Variants in NLRC3 observed in about 807,000 individuals in gnomAD.
The protein encoded by NLRC3 is NLR family CARD domain containing 3, also known as NLR family CARD domain-containing protein 3.
A neutral mutation model predicts 91.6 loss-of-function variants in NLRC3; 87 were observed. That is an observed-to-expected ratio of 0.95 (90% CI 0.80 to 1.14). NLRC3 has a LOEUF of 1.14. NLRC3 is among the 50% of genes most tolerant of loss of function. The pLI is 0.00. For missense variants in NLRC3, 1,577 were observed against 1,418.6 expected, an observed-to-expected ratio of 1.11 and a Z score of -1.79; for synonymous variants, 694 against 625.3, an observed-to-expected ratio of 1.11 and a Z score of -1.64.
rs754604235 is a variant in NLRC3, at chr16:3,563,974, G to C, written c.963C>G (p.Ala321=). The C allele has an allele frequency of 1.2e-6, 2 of 1,604,392 alleles. No homozygotes were observed. The highest frequency in any genetic ancestry group is 1.7e-6 in the Non-Finnish European group (2 of 1,178,204). The part of the protein sequence containing the change: ...WMLSQVQADR[A]LYLMCTVPAF... ...CTGGGACGGTGCACATCAGGTACAG[G>C]GCCCTGTCAGCCTGCACTTGGCTCA... is the stretch of plus-strand genomic sequence containing the variant. Residue 321 remains alanine (A), a synonymous_variant, in exon 5 of 20, where the codon GCC becomes GCG. Transcript: ENST00000359128.
Position 3,577,399 on chromosome 16 carries a change from G to T in NLRC3, c.-419C>A. The T allele has an allele frequency of 3.5e-6, 2 of 567,924 alleles. No individual in the cohort carries two copies. Among genetic ancestry groups the T allele is most frequent in the Non-Finnish European group, 6.2e-6 (2 of 320,400 alleles). The allele number at this position is 567,924 out of a possible 1,614,324, so 35.2% of individuals were successfully genotyped here. A position where few individuals can be genotyped will look rare whatever the true frequency, so the allele number is the denominator to read the frequency against. The stretch of plus-strand genomic sequence containing the variant: ...ACCGAGCCCACCGGCTGTCCCTGTG[G>T]CTCCGGGTCCTCACCTCTTCCTGTG... On this transcript the variant is annotated 5_prime_UTR_variant, in exon 1 of 20. Coordinates refer to ENST00000359128, the MANE Select transcript of NLRC3 (RefSeq NM_178844.4).
rs1043824401 is a variant in NLRC3, at chr16:3,563,458, C to T, written c.1479G>A (p.Thr493=). 2.5e-6 allele frequency: 4 copies of T among 1,581,782 alleles called. No homozygotes were observed. The highest frequency in any genetic ancestry group is 1.7e-4 in the Middle Eastern group (1 of 6,016). ...CCCGCTGGGCTGCGCTCCTGAAATG[C>T]GTGAGGAAGCCCAGCCTGGGCCAGG... ...GVSWPRLGFL[T]HFRSAAQRAM... is the part of the protein sequence containing the mutation. Residue 493 remains threonine (T), a synonymous_variant, in exon 5 of 20, where the codon ACG becomes ACA. Transcript: ENST00000359128.
rs778330894 is a variant in NLRC3, at chr16:3,548,688, C to T, written c.2669G>A (p.Arg890His). 14 of 1,592,478 alleles carry T rather than the reference C, an allele frequency of 8.8e-6. No individual in the cohort carries two copies. In the Admixed American group the frequency reaches 1.2e-4, roughly 14 times the overall value. The change falls in exon 14 of 20, where the codon CGC becomes CAC. Residue 890 changes from arginine (R) to histidine (H), a missense_variant. By Grantham distance (29) the Arg-to-His change is conservative. Transcript: ENST00000359128. Reference protein sequence around the residue: ...RAIAVAVRENRTLTSLHLQWN... With the variant: ...RAIAVAVRENHTLTSLHLQWN... ...GACTCACTGAAGGGAGGTGAGGGTGCGGTTTTCTCTCACTGCCACTGCGAT... is the reference window on the plus strand; with the variant it reads ...GACTCACTGAAGGGAGGTGAGGGTGTGGTTTTCTCTCACTGCCACTGCGAT...
In NLRC3 at chr16:3,564,523, G is replaced by C. The variant is rs2151101041; in HGVS notation, c.414C>G (p.Pro138=). ...CCACCCCGATAGTGATGGAGACCCG[G>C]GGTGGGACAGACACCCGGGAGAGAG... ...FLPLSRVSVP[P]RVSITIGVAG... is the part of the protein sequence containing the mutation. Residue 138 remains proline (P), a synonymous_variant, in exon 5 of 20, where the codon CCC becomes CCG. Coordinates refer to ENST00000359128, the MANE Select transcript of NLRC3 (RefSeq NM_178844.4). The surrounding 1 kb of genome is among the most constrained non-coding windows in gnomAD (Gnocchi z 5.9). 1 of 1,612,270 alleles carries C rather than the reference G, an allele frequency of 6.2e-7. No individual in the cohort carries two copies. Among genetic ancestry groups the C allele is most frequent in the East Asian group, 2.2e-5 (1 of 44,870 alleles).
intron 1 of NLRC3, among the ~76,000 whole-genome samples, chr16:3,574,866 G>A (rs957607320): frequency 6.6e-6 from 1 of 152,122 alleles, no homozygotes; most frequent in African/African-American, 2.4e-5. Flanking sequence ...GGAGGCTGAG[G>A]CAGGAGAATC....
intron 11 of NLRC3, among the ~76,000 whole-genome samples, chr16:3,550,087 C>T (rs1018409840): frequency 9.2e-5 from 14 of 152,180 alleles, no homozygotes; most frequent in African/African-American, 2.7e-4. Flanking sequence ...GAGGGAGTGG[C>T]GCAGCAGGCT....
intron 1 of NLRC3, among the ~76,000 whole-genome samples, chr16:3,571,399 G>T (rs1027335818): frequency 6.7e-6 from 1 of 149,006 alleles, no homozygotes; most frequent in African/African-American, 2.5e-5. Flanking sequence ...AAAAAAAATA[G>T]ATGGGGCTGG....
Position 3,576,056 on chromosome 16 carries a change from A to T in NLRC3, c.-169+1093T>A, listed in dbSNP as rs375649302. 8.5e-5 allele frequency among the ~76,000 whole-genome samples: 13 copies of T among 152,276 alleles called. 1 individual carries two copies. The South Asian group carries it at 2.7e-3, about 32-fold the overall frequency. On this transcript the variant is annotated intron_variant, in intron 1 of 19. Transcript: ENST00000359128. ...TCACTGCATGGACCCCTGGAGTCCA[A>T]GGGGTGGAGAGGCCCAGCCCTGGGG...
At chr16:3,560,805 G>GC (rs2039573773) in intron 6 of NLRC3, among the ~76,000 whole-genome samples, 2 of 151,450 alleles carry the variant, frequency 1.3e-5, no homozygotes. Context: ...GACTACAGGC[G>GC]CCCACCACCA....
intron 11 of NLRC3, among the ~76,000 whole-genome samples, chr16:3,550,168 G>T (rs1207511673): frequency 6.6e-6 from 1 of 152,138 alleles, no homozygotes; most frequent in Non-Finnish European, 1.5e-5. Flanking sequence ...TCCCTCTCCA[G>T]CCACCCATGC....
intron 1 of NLRC3, among the ~76,000 whole-genome samples, chr16:3,571,336 A>C (rs540358348): frequency 2.0e-5 from 3 of 151,974 alleles, no homozygotes; most frequent in African/African-American, 7.2e-5. Context: ...GTGAGACGTA[A>C]AACTCAGAAG....
chr16:3,544,367 A>C, intron 15 of NLRC3, 38 bp from the exon 16 acceptor site: 5 of 1,450,074 alleles, frequency 3.4e-6, no homozygotes, highest in Middle Eastern at 3.5e-4. Context: ...TGCACGGGGC[A>C]CAGGGAGCAT....
intron 1 of NLRC3, among the ~76,000 whole-genome samples, chr16:3,570,928 G>A (rs2040076318): frequency 6.6e-6 from 1 of 152,054 alleles, no homozygotes; most frequent in Admixed American, 6.6e-5. Context: ...TTCTGATATT[G>A]AACCAACCTT....
Position 3,541,762 on chromosome 16 carries a change from G to C in NLRC3, c.*63C>G, listed in dbSNP as rs1315495206. 2.7e-6 allele frequency: 3 copies of C among 1,131,446 alleles called. No individual in the cohort carries two copies. The highest frequency in any genetic ancestry group is 1.5e-5 in the African/African-American group (1 of 65,522). 70.1% of individuals were successfully genotyped at this position (1,131,446 alleles called of 1,614,324 possible). On this transcript the variant is annotated 3_prime_UTR_variant, in exon 20 of 20. Coordinates refer to ENST00000359128, the MANE Select transcript of NLRC3 (RefSeq NM_178844.4). ...CTCCCAGACAGGCCCCCCAGAAGTC[G>C]GCCTTTCTGTTCAAAAGCTTCCAGC... is the stretch of plus-strand genomic sequence containing the variant.
chr16:3,563,894 C>T lies in NLRC3; in HGVS notation c.1043G>A (p.Gly348Glu), dbSNP rs767809411. Residue 348 changes from glycine to glutamate, a missense_variant, in exon 5 of 20, where the codon GGG becomes GAG. By Grantham distance (98) the Gly-to-Glu change is moderately conservative (BLOSUM62 -2). Coordinates refer to ENST00000359128, the MANE Select transcript of NLRC3 (RefSeq NM_178844.4). Reference sequence around the variant, plus strand: ...GGGCCACAGCTCTGCATCCTGGGGCCCCGTCCTGCTGCGCCACAGGTGGCC... The same window carrying T: ...GGGCCACAGCTCTGCATCCTGGGGCTCCGTCCTGCTGCGCCACAGGTGGCC... ...ALGHLWRSRT[G>E]PQDAELWPPR... is the part of the protein sequence containing the mutation. The T allele has an allele frequency of 6.3e-7, 1 of 1,597,334 alleles. No individual in the cohort carries two copies. The highest frequency in any genetic ancestry group is 1.7e-5 in the Admixed American group (1 of 58,420).
intron 1 of NLRC3, among the ~76,000 whole-genome samples, chr16:3,569,401 T>G (rs1280977347): frequency 3.0e-5 from 3 of 100,086 alleles, no homozygotes; most frequent in African/African-American, 1.3e-4. Context: ...TATATTATTT[T>G]TTTTTTTTTT....
rs954067814 is a variant in NLRC3, at chr16:3,543,621, G to A, written c.2856-113C>T. Reference sequence around the variant, plus strand: ...GGATGGAAAGTGGAGAAACAGCACTGAGAATGGTTGGCCAGCGCTGTGTCT... The same window carrying A: ...GGATGGAAAGTGGAGAAACAGCACTAAGAATGGTTGGCCAGCGCTGTGTCT... On this transcript the variant is annotated intron_variant, in intron 16 of 19. Coordinates refer to ENST00000359128, the MANE Select transcript of NLRC3 (RefSeq NM_178844.4). 3 of 734,488 alleles carry A rather than the reference G, an allele frequency of 4.1e-6. No homozygotes were observed. The African/African-American group carries it at 5.2e-5, about 13-fold the overall frequency. 45.5% of individuals were successfully genotyped at this position (734,488 alleles called of 1,614,324 possible). A position where few individuals can be genotyped will look rare whatever the true frequency, so the allele number is the denominator to read the frequency against.
chr16:3,566,494 A>C (rs1258708546), intron 2 of NLRC3, among the ~76,000 whole-genome samples: 1 of 151,974 alleles, frequency 6.6e-6, no homozygotes, highest in African/African-American at 2.4e-5. Context: ...GGGAGGACGA[A>C]GTGGGCAGAT....
chr16:3,543,740 C>T (rs1024368881), intron 16 of NLRC3: 34 of 553,246 alleles, frequency 6.1e-5, no homozygotes, highest in African/African-American at 4.3e-4. Context: ...TGGAAGGGCT[C>T]GGGGAGAATG....
Sources: gnomAD v4.1 joint callset for allele counts (sites outside exome capture counted in the v4.1 genomes callset) on GRCh38, gnomAD v4.1.1 for gene constraint, Gnocchi (gnomAD v3.1) non-coding constraint, MANE v1.5 for transcripts, NCBI Gene and HGNC (gene_info 2026-07-23, HGNC 2026-07-21) for gene names.